The following ZNF570 variants were observed in gnomAD, a reference collection of about 807,000 sequenced individuals.
ZNF570 encodes the protein zinc finger protein 570.
ZNF570 carries 8 observed loss-of-function variants against 14.2 expected under a neutral mutation model. That is an observed-to-expected ratio of 0.56 (90% CI 0.33 to 1.02). The LOEUF is 1.02. Among genes scored for constraint, ZNF570 ranks in the 50% least tolerant of loss-of-function variants. ZNF570 has a pLI of 0.03. For missense variants in ZNF570, 559 were observed against 624.9 expected (o/e 0.89, Z 1.12); for synonymous variants, 202 against 207.6 (o/e 0.97, Z 0.23).
chr19:37,473,600 T>C (rs2041993033), intron 2 of ZNF570, among the ~76,000 whole-genome samples: 1 of 152,016 alleles, frequency 6.6e-6, no homozygotes, highest in Admixed American at 6.6e-5. Flanking sequence ...AGTGGGATAA[T>C]TGAGGTTATG....
At chr19:37,483,053 C>T (rs146109975) in intron 4 of ZNF570, among the ~76,000 whole-genome samples, 8 of 151,986 alleles carry the variant, frequency 5.3e-5, no homozygotes, top group African/African-American at 9.7e-5. Flanking sequence ...TCTAATACAC[C>T]GTCCCTCTCA....
In ZNF570 at chr19:37,484,667, CAG is replaced by C. The variant is rs775304168; in HGVS notation, c.1050_1051del (p.Arg350SerfsTer9). ...FSNRSSIAQH[Q>X]RVHTGEKPYE... Reference sequence around the variant, plus strand: ...CAACAGATCATCCATTGCTCAACACCAGAGAGTTCATACAGGAGAGAAACCCT... The same window carrying C: ...CAACAGATCATCCATTGCTCAACACCAGAGTTCATACAGGAGAGAAACCCT... On this transcript the variant is annotated frameshift_variant, in exon 5 of 5. Coordinates refer to ENST00000330173, the MANE Select transcript of ZNF570 (RefSeq NM_144694.5). LOFTEE classifies it low-confidence loss of function (END_TRUNC). 1.2e-6 allele frequency: 2 copies of C among 1,613,956 alleles called. No individual in the cohort carries two copies. Among genetic ancestry groups the C allele is most frequent in the African/African-American group, 1.3e-5 (1 of 74,978 alleles).
chr19:37,469,334 C>A, upstream of ZNF570: 1 of 1,417,602 alleles, frequency 7.1e-7, no homozygotes, highest in East Asian at 2.6e-5. Context: ...TTGTGTCCTC[C>A]GGGGGCGGAG....
rs2042134939 is a variant in ZNF570, at chr19:37,484,889, T to C, written c.1267T>C (p.Phe423Leu). Reference protein sequence around the residue: ...PYKCQECRKAFSQIAYLAQHQ... With the variant: ...PYKCQECRKALSQIAYLAQHQ... Reference sequence around the variant, plus strand: ...TAAGTGTCAGGAATGTAGGAAAGCATTCAGCCAGATTGCCTACCTTGCTCA... The same window carrying C: ...TAAGTGTCAGGAATGTAGGAAAGCACTCAGCCAGATTGCCTACCTTGCTCA... Residue 423 changes from phenylalanine to leucine, a missense_variant, in exon 5 of 5, where the codon TTC becomes CTC. Phe to Leu is a conservative substitution (Grantham distance 22). Transcript: ENST00000330173. 1 of 1,613,950 alleles carries C rather than the reference T, an allele frequency of 6.2e-7. No homozygotes were observed. Among genetic ancestry groups the C allele is most frequent in the Non-Finnish European group, 8.5e-7 (1 of 1,179,984 alleles).
intron 2 of ZNF570, among the ~76,000 whole-genome samples, chr19:37,474,640 A>G (rs774279764): frequency 5.3e-4 from 81 of 151,996 alleles, no homozygotes; most frequent in Non-Finnish European, 8.7e-4. Flanking sequence ...TTGTATTTTT[A>G]GTAGAGACAG....
rs1200947767 is a variant in ZNF570 at position 37,486,072 on chromosome 19, A to C, written c.*839A>C. The C allele has an allele frequency of 1.3e-5, 2 of 151,292 alleles. No individual in the cohort carries two copies. The highest frequency in any genetic ancestry group is 6.6e-5 in the Admixed American group (1 of 15,182). 9.4% of individuals were successfully genotyped at this position (151,292 alleles called of 1,614,324 possible). A position where few individuals can be genotyped will look rare whatever the true frequency, so the allele number is the denominator to read the frequency against. On this transcript the variant is annotated 3_prime_UTR_variant, in exon 5 of 5. Transcript: ENST00000330173. ...TAAAAAGAAAAGAAGAGAAAAGAAA[A>C]CACATGTTACTATCTCCAGTTAAAA... is the stretch of plus-strand genomic sequence containing the variant.
intron 4 of ZNF570, 128 bp from the exon 5 acceptor site, chr19:37,483,751 C>A: frequency 1.1e-6 from 1 of 945,426 alleles, no homozygotes; most frequent in Non-Finnish European, 1.5e-6. Context: ...CACTTCAGAA[C>A]TGCAAAAGCC....
intron 2 of ZNF570, among the ~76,000 whole-genome samples, chr19:37,472,474 A>T (rs1600377152): frequency 1.3e-5 from 2 of 152,006 alleles, no homozygotes; most frequent in East Asian, 3.9e-4. Context: ...GGGCACGGTG[A>T]CTCACGCCTG....
intron 4 of ZNF570, among the ~76,000 whole-genome samples, chr19:37,477,012 A>G (rs1261421942): frequency 6.6e-6 from 1 of 151,814 alleles, no homozygotes; most frequent in Admixed American, 6.6e-5. Flanking sequence ...GGCCTCTTAT[A>G]AATTTTTGAG....
At position 37,485,387 on chromosome 19, in the gene ZNF570, G is replaced by T. The variant is rs776157045; in HGVS notation, c.*154G>T. The T allele has an allele frequency of 1.5e-6, 1 of 689,056 alleles. No individual in the cohort carries two copies. The highest frequency in any genetic ancestry group is 2.2e-6 in the Non-Finnish European group (1 of 457,340). The allele number at this position is 689,056 out of a possible 1,614,324, so 42.7% of individuals were successfully genotyped here. ...TACCTTTAAATCCATTTCCCACAAT[G>T]CACTCAAACGGATCTTTTTTTTCTT... is the stretch of plus-strand genomic sequence containing the variant. On this transcript the variant is annotated 3_prime_UTR_variant, in exon 5 of 5. Coordinates refer to ENST00000330173, the MANE Select transcript of ZNF570 (RefSeq NM_144694.5).
At chr19:37,474,390 T>A (rs908957832) in intron 2 of ZNF570, among the ~76,000 whole-genome samples, 1 of 152,168 alleles carries the variant, frequency 6.6e-6, no homozygotes, top group Non-Finnish European at 1.5e-5. Flanking sequence ...CTACTTCCTA[T>A]AATTAAGTAA....
chr19:37,470,468 C>T (rs543241697), intron 2 of ZNF570, 81 bp downstream of exon 2: 29 of 1,339,820 alleles, frequency 2.2e-5, no homozygotes, highest in Admixed American at 1.9e-4. Flanking sequence ...TCTGCTGAAA[C>T]GTTTCTGGGT....
At chr19:37,468,071 G>GTTTTT (rs35295578), upstream of ZNF570, 5 of 586,362 alleles carry the variant, frequency 8.5e-6, no homozygotes, top group Admixed American at 1.4e-4. Flanking sequence ...TGCCTTTCGT[G>GTTTTT]TTTTTTTTTT....
chr19:37,475,987 A>G lies in ZNF570; in HGVS notation c.140A>G (p.Tyr47Cys). ...HLYSNVMLENYRILVSLGLCF... is the reference protein window; with the variant it reads ...HLYSNVMLENCRILVSLGLCF... ...TACAGTAATGTGATGCTAGAGAACT[A>G]CAGGATCTTGGTATCACTGGGTAAG... Residue 47 changes from tyrosine (Y) to cysteine (C), a missense_variant, in exon 3 of 5, where the codon TAC (tyrosine) becomes TGC (cysteine). Tyr to Cys is a radical substitution (Grantham distance 194, BLOSUM62 -2). Transcript: ENST00000330173. 1 of 1,612,578 alleles carries G rather than the reference A, an allele frequency of 6.2e-7. No homozygotes were observed. The highest frequency in any genetic ancestry group is 8.5e-7 in the Non-Finnish European group (1 of 1,179,468).
chr19:37,468,071 G>A, upstream of ZNF570: 1 of 585,988 alleles, frequency 1.7e-6, no homozygotes, highest in Non-Finnish European at 2.9e-6. Context: ...TGCCTTTCGT[G>A]TTTTTTTTTT....
At chr19:37,467,829 C>T, upstream of ZNF570, 1 of 1,508,418 alleles carries the variant, frequency 6.6e-7, no homozygotes, top group Non-Finnish European at 8.9e-7. Context: ...TTTGTGTGAC[C>T]ATGGTCGCGT....
intron 2 of ZNF570, among the ~76,000 whole-genome samples, chr19:37,471,910 T>C (rs2041969657): frequency 7.2e-6 from 1 of 139,044 alleles, no homozygotes; most frequent in Admixed American, 7.7e-5. Context: ...AGAATCAGAC[T>C]ACTATTTTTT....
chr19:37,476,477 C>T (rs1180953384), intron 4 of ZNF570, 43 bp downstream of exon 4: 47 of 1,583,922 alleles, frequency 3.0e-5, no homozygotes, highest in Non-Finnish European at 3.7e-5. Context: ...CACGTGACAG[C>T]TCAGCTTGAC....
Position 37,485,213 on chromosome 19 carries a change from G to A in ZNF570, c.1591G>A (p.Val531Ile). 1 of 1,553,616 alleles carries A rather than the reference G, an allele frequency of 6.4e-7. No individual in the cohort carries two copies. Among genetic ancestry groups the A allele is most frequent in the African/African-American group, 1.4e-5 (1 of 72,752 alleles). ...GGAGTCACTGTCACCACCCAACCCA[G>A]TCAATCACCAAGTCCTATAGATCCT... is the stretch of plus-strand genomic sequence containing the variant. ...IGESLSPPNP[V>I]NHQVL The change falls in exon 5 of 5, where the codon GTC becomes ATC. Residue 531 changes from valine (V) to isoleucine (I), a missense_variant. Val to Ile is a conservative substitution (Grantham distance 29, BLOSUM62 3). Coordinates refer to ENST00000330173, the MANE Select transcript of ZNF570 (RefSeq NM_144694.5).
Sources: allele counts gnomAD v4.1 joint callset (sites outside exome capture counted in the v4.1 genomes callset), GRCh38; gene constraint gnomAD v4.1.1; transcripts MANE v1.5; gene names NCBI Gene and HGNC (gene_info 2026-07-23, HGNC 2026-07-21).